The following FBXO31 variants were observed in gnomAD, a reference collection of about 807,000 sequenced individuals.
The protein encoded by FBXO31 is F-box only protein 31.
FBXO31 carries 24 observed loss-of-function variants against 54.4 expected under a neutral mutation model. The ratio of observed to expected loss-of-function variants is 0.44; its 90% CI spans 0.32 to 0.62. FBXO31 has a LOEUF of 0.62. Ranked by LOEUF, FBXO31 falls within the 20% of genes least tolerant of loss-of-function variation. The pLI is 0.05. For missense variants in FBXO31, 665 were observed against 787.1 expected, an observed-to-expected ratio of 0.84 and a Z score of 1.86; for synonymous variants, 388 against 335.6, an observed-to-expected ratio of 1.16 and a Z score of -1.71.
intron 1 of FBXO31, among the ~76,000 whole-genome samples, chr16:87,370,538 G>A (rs548776817): frequency 2.2e-4 from 33 of 152,318 alleles, no homozygotes; most frequent in African/African-American, 7.5e-4. Context: ...GGCTGCGCCA[G>A]CCACCGGGCC....
intron 5 of FBXO31, among the ~76,000 whole-genome samples, chr16:87,341,777 C>A (rs1404306369): frequency 1.3e-5 from 2 of 151,926 alleles, no homozygotes; most frequent in Non-Finnish European, 2.9e-5. Flanking sequence ...TACTGATCAT[C>A]TTCACATGCC....
intron 2 of FBXO31, among the ~76,000 whole-genome samples, chr16:87,353,185 C>G (rs1358131074): frequency 1.3e-5 from 2 of 152,198 alleles, no homozygotes. Context: ...CTCCTGGGTC[C>G]TCCTCCACTT....
At chr16:87,354,410 G>A (rs1294776246) in intron 2 of FBXO31, among the ~76,000 whole-genome samples, 1 of 151,882 alleles carries the variant, frequency 6.6e-6, no homozygotes, top group Non-Finnish European at 1.5e-5. Flanking sequence ...GATGAAGGCT[G>A]CAGTGAGCCA....
intron 7 of FBXO31, among the ~76,000 whole-genome samples, chr16:87,334,755 C>T (rs1904990302): frequency 6.6e-6 from 1 of 152,236 alleles, no homozygotes; most frequent in Non-Finnish European, 1.5e-5. Flanking sequence ...GCGCTGTCTG[C>T]CAGGATCCCC....
At chr16:87,392,027 C>G, upstream of FBXO31, 1 of 181,908 alleles carries the variant, frequency 5.5e-6, no homozygotes, top group Non-Finnish European at 1.1e-5. Flanking sequence ...CAGGGCCGGG[C>G]AGCAGGCTCC....
intron 1 of FBXO31, among the ~76,000 whole-genome samples, chr16:87,381,829 C>T (rs1433909453): frequency 1.3e-5 from 2 of 152,232 alleles, no homozygotes; most frequent in East Asian, 3.9e-4. Flanking sequence ...TCCAGAGCAT[C>T]CTGGCCAACA....
At chr16:87,377,364 T>A (rs1906868552) in intron 1 of FBXO31, among the ~76,000 whole-genome samples, 1 of 152,180 alleles carries the variant, frequency 6.6e-6, no homozygotes, top group African/African-American at 2.4e-5. Flanking sequence ...GAGGATCATT[T>A]ACGCCGGAGA....
At chr16:87,339,094 T>C (rs929346548) in intron 5 of FBXO31, among the ~76,000 whole-genome samples, 1 of 152,246 alleles carries the variant, frequency 6.6e-6, no homozygotes, top group African/African-American at 2.4e-5. Flanking sequence ...ATGCAACCTC[T>C]TTCCCTTATA....
intron 2 of FBXO31, among the ~76,000 whole-genome samples, chr16:87,350,775 A>T (rs1257371270): frequency 1.3e-5 from 2 of 151,746 alleles, no homozygotes; most frequent in Non-Finnish European, 2.9e-5. Flanking sequence ...CCCTCCCCTC[A>T]GCTCCCGCTT....
At chr16:87,370,275 G>A (rs737682) in intron 1 of FBXO31, among the ~76,000 whole-genome samples, 21 of 152,304 alleles carry the variant, frequency 1.4e-4, no homozygotes, top group Admixed American at 7.8e-4. Context: ...GGCCGAGCCC[G>A]CACTCAGCAC....
chr16:87,336,391 T>C lies in FBXO31; in HGVS notation c.733-127A>G. On this transcript the variant is annotated intron_variant, in intron 5 of 8. Coordinates refer to ENST00000311635, the MANE Select transcript of FBXO31 (RefSeq NM_024735.5). This position sits in a 1 kb window ranked among gnomAD's most constrained non-coding sequence, Gnocchi z 6.5. ...TGCACAGGCACCTGCAGGGCCCTCT[T>C]GGTGGGGGAGGATGGACTTGGCGCT... 1 of 764,142 alleles carries C rather than the reference T, an allele frequency of 1.3e-6. No homozygotes were observed. Among genetic ancestry groups the C allele is most frequent in the Non-Finnish European group, 2.2e-6 (1 of 459,096 alleles). 47.3% of individuals were successfully genotyped at this position (764,142 alleles called of 1,614,324 possible).
In FBXO31 at chr16:87,383,585, A is replaced by G; in HGVS notation, c.160T>C (p.Leu54=). 1 of 1,484,430 alleles carries G rather than the reference A, an allele frequency of 6.7e-7. No homozygotes were observed. The highest frequency in any genetic ancestry group is 8.9e-7 in the Non-Finnish European group (1 of 1,122,450). 92.0% of individuals were successfully genotyped at this position (1,484,430 alleles called of 1,614,324 possible). ...IEASAGVGGG[L]CAGPSPPPPR... is the part of the protein sequence containing the mutation. ...GGCGGCGGCGAGGGGCCCGCGCACA[A>G]GCCGCCCCCGACCCCGGCGCTAGCC... Residue 54 remains leucine, a synonymous_variant, in exon 1 of 9, where the codon TTG becomes CTG. Transcript: ENST00000311635. This position sits in a 1 kb window ranked among gnomAD's most constrained non-coding sequence, Gnocchi z 4.9.
Position 87,342,927 on chromosome 16 carries a change from T to C in FBXO31, c.682A>G (p.Thr228Ala). Residue 228 changes from threonine to alanine, a missense_variant, in exon 5 of 9, where the codon ACC becomes GCC. By Grantham distance (58) the Thr-to-Ala change is moderately conservative. Around this residue, in one of 4 missense-constraint regions of FBXO31, gnomAD observed 234 missense variants for 346.8 expected, o/e 0.67. Coordinates refer to ENST00000311635, the MANE Select transcript of FBXO31 (RefSeq NM_024735.5). ...IQIVKKDEFSTKCNQTDHHRM... is the reference protein window; with the variant it reads ...IQIVKKDEFSAKCNQTDHHRM... ...TGGTGGTCCGTCTGGTTGCACTTGGTGGAGAACTCATCCTTCTTCACAATC... is the reference window on the plus strand; with the variant it reads ...TGGTGGTCCGTCTGGTTGCACTTGGCGGAGAACTCATCCTTCTTCACAATC... 1 of 1,608,438 alleles carries C rather than the reference T, an allele frequency of 6.2e-7. No individual in the cohort carries two copies. The highest frequency in any genetic ancestry group is 1.7e-5 in the Admixed American group (1 of 59,202).
intron 3 of FBXO31, among the ~76,000 whole-genome samples, chr16:87,344,739 C>A (rs146195126): frequency 6.6e-6 from 1 of 152,194 alleles, no homozygotes; most frequent in Non-Finnish European, 1.5e-5. Flanking sequence ...TGTGAGCTGC[C>A]GGGCTGGTCT....
rs530063867 is a variant in FBXO31 at position 87,344,481 on chromosome 16, C to A, written c.490-716G>T. ...AAGGAAGGACAGCCTAGCCTCACCCCCTTCTGGGAGAGCTGGGACCCATGA... is the reference window on the plus strand; with the variant it reads ...AAGGAAGGACAGCCTAGCCTCACCCACTTCTGGGAGAGCTGGGACCCATGA... On this transcript the variant is annotated intron_variant, in intron 3 of 8. Coordinates refer to ENST00000311635, the MANE Select transcript of FBXO31 (RefSeq NM_024735.5). Among the ~76,000 whole-genome samples the A allele has an allele frequency of 1.9e-3, 284 of 152,310 alleles. 1 individual carries two copies. Among genetic ancestry groups the A allele is most frequent in the African/African-American group, 6.3e-3 (260 of 41,586 alleles).
At chr16:87,375,764 C>A (rs557538792) in intron 1 of FBXO31, among the ~76,000 whole-genome samples, 1 of 152,142 alleles carries the variant, frequency 6.6e-6, no homozygotes, top group African/African-American at 2.4e-5. Flanking sequence ...GGTTTTGTTT[C>A]CTATCCGGAG....
intron 1 of FBXO31, among the ~76,000 whole-genome samples, chr16:87,370,994 G>A (rs1452777248): frequency 1.3e-5 from 2 of 152,142 alleles, no homozygotes; most frequent in African/African-American, 2.4e-5. Context: ...CCCCAACTGC[G>A]GCCCGGCACT....
chr16:87,355,059 C>T (rs1049050540), intron 2 of FBXO31, among the ~76,000 whole-genome samples: 5 of 152,080 alleles, frequency 3.3e-5, no homozygotes, highest in Non-Finnish European at 7.4e-5. Context: ...CAGTCCTACA[C>T]TCAGGGATGT....
upstream of FBXO31, among the ~76,000 whole-genome samples, chr16:87,386,368 G>A (rs1907328622): frequency 6.6e-6 from 1 of 152,226 alleles, no homozygotes. Context: ...GCTTCAGTGA[G>A]CAGCGTGGTA....
Sources: gnomAD v4.1 joint callset for allele counts (sites outside exome capture counted in the v4.1 genomes callset) on GRCh38, gnomAD v4.1.1 for gene constraint, gnomAD v4.1.1 regional missense constraint, Gnocchi (gnomAD v3.1) non-coding constraint, MANE v1.5 for transcripts, NCBI Gene and HGNC (gene_info 2026-07-23, HGNC 2026-07-21) for gene names.